The following ZNF423 variants were observed in gnomAD, a reference collection of about 807,000 sequenced individuals.
ZNF423 encodes zinc finger protein 423.
Under a neutral mutation model 95.8 loss-of-function variants are expected in ZNF423, and 12 were observed. The observed-to-expected ratio is 0.13, with a 90% CI of 0.08 to 0.20. The LOEUF (loss-of-function observed/expected upper bound fraction) is 0.20, where lower values mean the gene tolerates loss of function less well. Ranked by LOEUF, ZNF423 falls within the 10% of genes least tolerant of loss-of-function variation. ZNF423 has a pLI of 1.00. For missense variants in ZNF423, 1,316 were observed against 1,737.1 expected, an observed-to-expected ratio of 0.76 and a Z score of 4.31; for synonymous variants, 749 against 711.9, an observed-to-expected ratio of 1.05 and a Z score of -0.83.
rs765667466 is a variant in ZNF423 at position 49,730,930 on chromosome 16, G to A, written c.142C>T (p.Arg48Cys). The change falls in exon 3 of 8, where the codon CGT becomes TGT. Residue 48 changes from arginine (R) to cysteine (C), a missense_variant. This residue lies in a region of ZNF423 where 155 missense variants were observed against 170.8 expected (regional missense o/e 0.91). Coordinates refer to ENST00000563137, the MANE Select transcript of ZNF423 (RefSeq NM_001379286.1). ...GEPECDQKTS[R>C]ALEDRNSVTS... is the part of the protein sequence containing the mutation. ...ACGCTGTTCCTGTCTTCCAGCGCAC[G>A]GCTGGTTTTCTGATCGCACTCTGGC... 46 of 1,614,116 alleles carry A rather than the reference G, an allele frequency of 2.8e-5. No individual in the cohort carries two copies. Among genetic ancestry groups the A allele is most frequent in the East Asian group, 1.1e-4 (5 of 44,878 alleles).
chr16:49,761,916 C>A (rs1163671385), intron 2 of ZNF423, among the ~76,000 whole-genome samples: 1 of 152,206 alleles, frequency 6.6e-6, no homozygotes, highest in Non-Finnish European at 1.5e-5. Context: ...CTCCTGGACT[C>A]AAGTGATCCT....
At position 49,636,380 on chromosome 16, in the gene ZNF423, C is replaced by T; in HGVS notation, c.2796G>A (p.Glu932=). Residue 932 remains glutamate, a synonymous_variant, in exon 4 of 8, where the codon GAG becomes GAA. Coordinates refer to ENST00000563137, the MANE Select transcript of ZNF423 (RefSeq NM_001379286.1). This position sits in a 1 kb window ranked among gnomAD's most constrained non-coding sequence, Gnocchi z 8.6. ...TGCACTTGTGACTGCCCTTGATAAA[C>T]TCAGCCTTCTTGCGTGAGCCATCAT... ...GEDDGSRKKA[E]FIKGSHKCNV... is the part of the protein sequence containing the mutation. 6.2e-7 allele frequency: 1 copy of T among 1,613,150 alleles called. No individual in the cohort carries two copies. The highest frequency in any genetic ancestry group is 8.5e-7 in the Non-Finnish European group (1 of 1,180,036).
chr16:49,691,824 G>A (rs1214391954), intron 3 of ZNF423, among the ~76,000 whole-genome samples: 1 of 152,190 alleles, frequency 6.6e-6, no homozygotes, highest in Non-Finnish European at 1.5e-5. Flanking sequence ...CAAGGGAAGC[G>A]CCATTATGCA....
intron 5 of ZNF423, among the ~76,000 whole-genome samples, chr16:49,596,420 A>G (rs1489585791): frequency 6.6e-6 from 1 of 152,172 alleles, no homozygotes; most frequent in Non-Finnish European, 1.5e-5. Flanking sequence ...CAGAGAATGT[A>G]TTTCCTCTCG....
At chr16:49,689,430 C>T (rs186562271) in intron 3 of ZNF423, among the ~76,000 whole-genome samples, 104 of 151,678 alleles carry the variant, frequency 6.9e-4, no homozygotes, top group African/African-American at 2.4e-3. Context: ...CCAGCCTCGG[C>T]GACAGAGAGA....
intron 2 of ZNF423, among the ~76,000 whole-genome samples, chr16:49,785,287 C>T (rs567788544): frequency 6.6e-6 from 1 of 152,208 alleles, no homozygotes; most frequent in Admixed American, 6.5e-5. Context: ...CACTATATTA[C>T]CCAGGCTGGT....
chr16:49,585,826 C>T (rs114200531), intron 5 of ZNF423, among the ~76,000 whole-genome samples: 2,732 of 152,232 alleles, frequency 0.018, 84 homozygotes, highest in African/African-American at 0.061. Flanking sequence ...TGGAGTCAGA[C>T]GCACAATTCA....
chr16:49,554,276 GGCATA>G (rs1433616962), intron 5 of ZNF423, among the ~76,000 whole-genome samples: 1 of 151,974 alleles, frequency 6.6e-6, no homozygotes, highest in African/African-American at 2.4e-5. Flanking sequence ...AGTAACGCCG[GGCATA>G]GCAGCCCAGG....
chr16:49,738,686 TGA>T (rs1336585014), intron 2 of ZNF423, among the ~76,000 whole-genome samples: 3 of 151,464 alleles, frequency 2.0e-5, no homozygotes, highest in Non-Finnish European at 4.4e-5. Flanking sequence ...GCGGAGAAAG[TGA>T]GAGAGCCAGG....
intron 2 of ZNF423, among the ~76,000 whole-genome samples, chr16:49,784,263 C>T (rs374509880): frequency 3.4e-4 from 51 of 151,972 alleles, no homozygotes; most frequent in African/African-American, 1.0e-3. Flanking sequence ...TTGCCAGGTG[C>T]GGTGACACAC....
At chr16:49,755,469 T>C (rs2033709410) in intron 2 of ZNF423, among the ~76,000 whole-genome samples, 1 of 152,230 alleles carries the variant, frequency 6.6e-6, no homozygotes, top group African/African-American at 2.4e-5. Flanking sequence ...AGCCAGGCTC[T>C]TCATCATAAT....
intron 5 of ZNF423, among the ~76,000 whole-genome samples, chr16:49,571,141 G>C (rs887367104): frequency 6.6e-6 from 1 of 152,142 alleles, no homozygotes; most frequent in Admixed American, 6.5e-5. Context: ...GAATTTGCTA[G>C]GCATCTATAG....
intron 5 of ZNF423, among the ~76,000 whole-genome samples, chr16:49,619,950 T>A (rs1032856241): frequency 6.6e-6 from 1 of 152,086 alleles, no homozygotes; most frequent in African/African-American, 2.4e-5. Context: ...AGAGACTCCT[T>A]CCCCTCCAAA....
intron 1 of ZNF423, among the ~76,000 whole-genome samples, chr16:49,833,377 C>T (rs1189318368): frequency 1.3e-5 from 2 of 152,158 alleles, no homozygotes; most frequent in African/African-American, 2.4e-5. Context: ...AAACTGCAAG[C>T]GATTATTTTG....
chr16:49,685,468 C>A (rs1250229583), intron 3 of ZNF423, among the ~76,000 whole-genome samples: 2 of 152,178 alleles, frequency 1.3e-5, no homozygotes, highest in Non-Finnish European at 2.9e-5. Context: ...GTCCCCCAGG[C>A]CCCTGCCCTG....
At chr16:49,738,509 TG>T (rs1212604919) in intron 2 of ZNF423, among the ~76,000 whole-genome samples, 1 of 152,166 alleles carries the variant, frequency 6.6e-6, no homozygotes, top group East Asian at 1.9e-4. Context: ...AACCTCACAG[TG>T]GGGAGGCGGG....
rs761934290 is a variant in ZNF423 at position 49,626,293 on chromosome 16, G to A, written c.3517-39C>T. On this transcript the variant is annotated intron_variant, in intron 4 of 7. Coordinates refer to ENST00000563137, the MANE Select transcript of ZNF423 (RefSeq NM_001379286.1). Reference sequence around the variant, plus strand: ...AAAAATAAAAGATTTAGAGAGGCAGGAGGTAGGAAAAAGGAGAAAGCAAAA... The same window carrying A: ...AAAAATAAAAGATTTAGAGAGGCAGAAGGTAGGAAAAAGGAGAAAGCAAAA... The A allele has an allele frequency of 2.7e-5, 44 of 1,605,640 alleles. No homozygotes were observed. The South Asian group carries it at 4.8e-4, about 18-fold the overall frequency.
intron 4 of ZNF423, among the ~76,000 whole-genome samples, chr16:49,633,737 G>C (rs923520957): frequency 1.3e-5 from 2 of 152,146 alleles, no homozygotes; most frequent in African/African-American, 4.8e-5. Context: ...TCAGCCCCTG[G>C]AGGGGGTCCT....
chr16:49,623,756 C>G (rs573382008), intron 5 of ZNF423, among the ~76,000 whole-genome samples: 1 of 152,318 alleles, frequency 6.6e-6, no homozygotes, highest in Admixed American at 6.5e-5. Flanking sequence ...CACTCTCCGC[C>G]AGGTGAGCCC....
Sources: gnomAD v4.1 joint callset for allele counts (sites outside exome capture counted in the v4.1 genomes callset) on GRCh38, gnomAD v4.1.1 for gene constraint, gnomAD v4.1.1 regional missense constraint, Gnocchi (gnomAD v3.1) non-coding constraint, MANE v1.5 for transcripts, NCBI Gene and HGNC (gene_info 2026-07-23, HGNC 2026-07-21) for gene names.